The following CAST variants were observed in gnomAD, a reference collection of about 807,000 sequenced individuals.
CAST encodes calpastatin.
CAST carries 76 observed loss-of-function variants against 119.6 expected under a neutral mutation model. The observed-to-expected ratio is 0.64, with a 90% CI of 0.53 to 0.77. CAST has a LOEUF of 0.77. Ranked by LOEUF, CAST falls within the 30% of genes least tolerant of loss-of-function variation. The probability of loss-of-function intolerance (pLI) is 0.00; values close to 1 mark genes in which losing one functional copy is unlikely to be tolerated. For missense variants in CAST, 953 were observed against 946.5 expected, an observed-to-expected ratio of 1.01 and a Z score of -0.09; for synonymous variants, 319 against 331.6, an observed-to-expected ratio of 0.96 and a Z score of 0.41.
At chr5:96,375,897 C>CTA in the CAST span, among the ~76,000 whole-genome samples, 468 of 142,544 alleles carry the variant, frequency 3.3e-3, 3 homozygotes, top group African/African-American at 0.012. Context: ...ATCTCTCTCT[C>CTA]TCTATATATA....
At chr5:96,277,194 G>A in the CAST span, among the ~76,000 whole-genome samples, 1 of 152,134 alleles carries the variant, frequency 6.6e-6, no homozygotes, top group Non-Finnish European at 1.5e-5. Context: ...TTCTAGGCCT[G>A]AAGGACATGT....
At chr5:96,227,638 A>C in the CAST span, among the ~76,000 whole-genome samples, 645 of 152,350 alleles carry the variant, frequency 4.2e-3, 5 homozygotes, top group African/African-American at 0.013. Flanking sequence ...GGAAATTAGA[A>C]TAAAAACAGA....
At chr5:96,769,724 T>TATCTCTGTTTCCTCCTCCTGTTCCCTAC (rs1771537115) in intron 29 of CAST, 1 of 151,944 alleles carries the variant, frequency 6.6e-6, no homozygotes, top group African/African-American at 2.4e-5. Flanking sequence ...CTTTGACCTA[T>TATCTCTGTTTCCTCCTCCTGTTCCCTAC]ATCTCTGTTT....
At chr5:96,270,998 A>G in the CAST span, among the ~76,000 whole-genome samples, 1 of 136,806 alleles carries the variant, frequency 7.3e-6, no homozygotes, top group Non-Finnish European at 1.6e-5. Context: ...AGCAAATAAT[A>G]TTTAAAAAAA....
chr5:96,665,600 T>A (rs1749211364), intron 1 of CAST, among the ~76,000 whole-genome samples: 1 of 152,124 alleles, frequency 6.6e-6, no homozygotes, highest in South Asian at 2.1e-4. Flanking sequence ...ATTTATGGAC[T>A]GCTTTCCCAC....
chr5:96,250,728 C>T, the CAST span, among the ~76,000 whole-genome samples: 6 of 151,958 alleles, frequency 3.9e-5, no homozygotes, highest in Non-Finnish European at 7.4e-5. Context: ...ATCAGGATGT[C>T]CTCTTTAAAT....
chr5:96,741,506 G>A lies in CAST; in HGVS notation c.1024G>A (p.Val342Ile). The change falls in exon 15 of 32, where the codon GTT becomes ATT. Residue 342 changes from valine to isoleucine, a missense_variant. Val to Ile is a conservative substitution (Grantham distance 29). Coordinates refer to ENST00000675179, the MANE Select transcript of CAST (RefSeq NM_001750.7). ...KKTEKEESTE[V>I]LKAQSAGTVR... ...TTTTGTTTTTCAGGAATCTACAGAAGTTTTAAAAGCTCAGTCAGCAGGGAC... is the reference window on the plus strand; with the variant it reads ...TTTTGTTTTTCAGGAATCTACAGAAATTTTAAAAGCTCAGTCAGCAGGGAC... 1 of 1,613,134 alleles carries A rather than the reference G, an allele frequency of 6.2e-7. No homozygotes were observed. The highest frequency in any genetic ancestry group is 1.1e-5 in the South Asian group (1 of 91,018).
the CAST span, among the ~76,000 whole-genome samples, chr5:96,060,722 T>TGATA: frequency 3.9e-5 from 6 of 152,168 alleles, no homozygotes; most frequent in Non-Finnish European, 8.8e-5. Flanking sequence ...GCTGACCATA[T>TGATA]GATATAAGGG....
At chr5:96,451,414 T>C in the CAST span, among the ~76,000 whole-genome samples, 8 of 152,152 alleles carry the variant, frequency 5.3e-5, no homozygotes, top group African/African-American at 1.4e-4. Context: ...ATTTAATAAA[T>C]GGTGTTGGGA....
the CAST span, among the ~76,000 whole-genome samples, chr5:96,383,841 T>A: frequency 6.6e-6 from 1 of 152,194 alleles, no homozygotes; most frequent in Non-Finnish European, 1.5e-5. Context: ...GGCACTCTGT[T>A]GCAATAGCAA....
chr5:96,119,831 A>G, the CAST span, among the ~76,000 whole-genome samples: 1 of 152,188 alleles, frequency 6.6e-6, no homozygotes, highest in Non-Finnish European at 1.5e-5. Flanking sequence ...TCAAAATGGC[A>G]TATCTAGAGA....
the CAST span, among the ~76,000 whole-genome samples, chr5:96,495,420 C>T: frequency 6.6e-6 from 1 of 152,112 alleles, no homozygotes; most frequent in South Asian, 2.1e-4. Flanking sequence ...CCTCCTCTTT[C>T]CCTCCACTCC....
chr5:96,479,906 G>C, the CAST span, among the ~76,000 whole-genome samples: 1 of 152,180 alleles, frequency 6.6e-6, no homozygotes, highest in Non-Finnish European at 1.5e-5. Context: ...GAGCACTCCA[G>C]GCAGCAGGAG....
upstream of CAST, among the ~76,000 whole-genome samples, chr5:96,661,419 GAAAA>G (rs34922511): frequency 0.042 from 3,672 of 88,308 alleles, 56 homozygotes; most frequent in Non-Finnish European, 0.054. Context: ...TGCCTCTCCA[GAAAA>G]AAAAAAAAAA....
the CAST span, among the ~76,000 whole-genome samples, chr5:96,088,227 G>C: frequency 2.0e-5 from 3 of 152,178 alleles, no homozygotes; most frequent in Admixed American, 2.0e-4. Context: ...CAGGCTACAA[G>C]CAATCCATTA....
At chr5:96,014,295 A>G in the CAST span, among the ~76,000 whole-genome samples, 1 of 152,108 alleles carries the variant, frequency 6.6e-6, no homozygotes, top group Admixed American at 6.6e-5. Flanking sequence ...AGGGGCAGTA[A>G]CATGCATGCA....
At chr5:96,377,341 C>A in the CAST span, among the ~76,000 whole-genome samples, 2 of 152,154 alleles carry the variant, frequency 1.3e-5, no homozygotes, top group South Asian at 4.1e-4. Flanking sequence ...TAGGCCCTCA[C>A]ATTCAATCAC....
At chr5:96,757,054 C>T (rs577874369) in intron 22 of CAST, among the ~76,000 whole-genome samples, 1 of 152,314 alleles carries the variant, frequency 6.6e-6, no homozygotes, top group African/African-American at 2.4e-5. Context: ...CAGCATTTTC[C>T]AGACAACCTC....
At chr5:96,508,434 G>A in the CAST span, among the ~76,000 whole-genome samples, 1 of 152,152 alleles carries the variant, frequency 6.6e-6, no homozygotes, top group Non-Finnish European at 1.5e-5. Context: ...GATTATAATA[G>A]GAGTAGATTG....
Sources: allele counts gnomAD v4.1 joint callset (sites outside exome capture counted in the v4.1 genomes callset), GRCh38; gene constraint gnomAD v4.1.1; transcripts MANE v1.5; gene names NCBI Gene and HGNC (gene_info 2026-07-23, HGNC 2026-07-21).